The following PRKCQ variants were observed in gnomAD, a reference collection of about 807,000 sequenced individuals.
PRKCQ encodes the protein protein kinase C theta, also known as protein kinase C theta type.
PRKCQ carries 41 observed loss-of-function variants against 91.2 expected under a neutral mutation model. The ratio of observed to expected loss-of-function variants is 0.45; its 90% CI spans 0.35 to 0.58. PRKCQ has a LOEUF of 0.58. Among genes scored for constraint, PRKCQ ranks in the 20% least tolerant of loss-of-function variants. The pLI, the probability that PRKCQ is intolerant of heterozygous loss-of-function variation, is 0.00. For synonymous variants in PRKCQ, 307 were observed against 316.9 expected (o/e 0.97, Z 0.33); for missense variants, 673 against 896.5 (o/e 0.75, Z 3.18).
chr10:6,509,256 G>C (rs1166918367), intron 3 of PRKCQ, among the ~76,000 whole-genome samples: 1 of 152,148 alleles, frequency 6.6e-6, no homozygotes, highest in Non-Finnish European at 1.5e-5. Context: ...GCAACTTGAA[G>C]AGATACAAAT....
At chr10:6,531,301 T>G (rs1357050401) in intron 1 of PRKCQ, among the ~76,000 whole-genome samples, 1 of 152,034 alleles carries the variant, frequency 6.6e-6, no homozygotes, top group African/African-American at 2.4e-5. Context: ...GCACAGTGCC[T>G]GGTGGTTCTA....
At chr10:6,398,366 G>A in the PRKCQ span, among the ~76,000 whole-genome samples, 1 of 152,128 alleles carries the variant, frequency 6.6e-6, no homozygotes, top group Non-Finnish European at 1.5e-5. Context: ...TTAAAATAAA[G>A]GGCTGTTTGT....
intron 8 of PRKCQ, among the ~76,000 whole-genome samples, chr10:6,490,090 C>T (rs907409060): frequency 6.6e-6 from 1 of 152,096 alleles, no homozygotes; most frequent in African/African-American, 2.4e-5. Flanking sequence ...CCCTGCCTAT[C>T]CATGTCTTCT....
At chr10:6,435,669 C>G (rs1199891318) in intron 16 of PRKCQ, among the ~76,000 whole-genome samples, 1 of 152,196 alleles carries the variant, frequency 6.6e-6, no homozygotes, top group South Asian at 2.1e-4. Flanking sequence ...TGGGCCACAC[C>G]TAAAATACAC....
At chr10:6,570,975 A>T (rs1841022373) in intron 1 of PRKCQ, among the ~76,000 whole-genome samples, 1 of 152,110 alleles carries the variant, frequency 6.6e-6, no homozygotes, top group Admixed American at 6.5e-5. Context: ...GGAAACTTGT[A>T]CTTTCTCAGG....
intron 2 of PRKCQ, chr10:6,512,104 T>C (rs1013322080): frequency 3.9e-5 from 6 of 152,242 alleles, no homozygotes; most frequent in Admixed American, 6.5e-5. Context: ...CTGAAAGACA[T>C]AGTGGCGTAA....
intron 1 of PRKCQ, among the ~76,000 whole-genome samples, chr10:6,537,436 T>C (rs1381218932): frequency 2.0e-5 from 3 of 152,088 alleles, no homozygotes; most frequent in Non-Finnish European, 4.4e-5. Flanking sequence ...CTCAGAGAGG[T>C]GAAGACCTTT....
the PRKCQ span, among the ~76,000 whole-genome samples, chr10:6,394,446 C>G: frequency 2.6e-4 from 40 of 152,332 alleles, 1 homozygote; most frequent in East Asian, 7.5e-3. Flanking sequence ...ACACAAACAT[C>G]TAAAAATGCA....
At chr10:6,472,798 C>T (rs965471301) in intron 12 of PRKCQ, among the ~76,000 whole-genome samples, 4 of 152,124 alleles carry the variant, frequency 2.6e-5, no homozygotes, top group Non-Finnish European at 4.4e-5. Context: ...CTGCAACCTC[C>T]GCCCCATGGG....
chr10:6,510,843 C>T (rs553339365), intron 3 of PRKCQ, 152 bp downstream of exon 3: 13 of 748,130 alleles, frequency 1.7e-5, no homozygotes, highest in Non-Finnish European at 2.5e-5. Context: ...GAATAACCAT[C>T]GCCATTATCA....
At chr10:6,484,830 C>T (rs1836812760) in intron 10 of PRKCQ, among the ~76,000 whole-genome samples, 1 of 152,144 alleles carries the variant, frequency 6.6e-6, no homozygotes, top group African/African-American at 2.4e-5. Context: ...TCTTCTGTGG[C>T]CTTCCCACCA....
intron 1 of PRKCQ, among the ~76,000 whole-genome samples, chr10:6,523,086 A>G (rs764443314): frequency 3.9e-5 from 6 of 152,242 alleles, no homozygotes; most frequent in Admixed American, 2.0e-4. Context: ...TAAGACTTCT[A>G]CTAAGTAGTA....
chr10:6,412,337 A>G, the PRKCQ span, among the ~76,000 whole-genome samples: 3 of 152,260 alleles, frequency 2.0e-5, no homozygotes, highest in African/African-American at 7.2e-5. Flanking sequence ...TCATCCTCAA[A>G]TCAGTTTAGA....
chr10:6,448,792 C>T (rs532732127), intron 15 of PRKCQ, among the ~76,000 whole-genome samples: 1 of 152,264 alleles, frequency 6.6e-6, no homozygotes, highest in Non-Finnish European at 1.5e-5. Context: ...TATAGTTCTG[C>T]AGACACCGCT....
intron 1 of PRKCQ, among the ~76,000 whole-genome samples, chr10:6,554,257 G>A (rs553631621): frequency 3.9e-5 from 6 of 152,172 alleles, no homozygotes; most frequent in African/African-American, 1.2e-4. Context: ...TCCATGCAAC[G>A]TTGCAGAAGG....
At chr10:6,507,128 C>T (rs1349550507) in intron 4 of PRKCQ, among the ~76,000 whole-genome samples, 1 of 152,232 alleles carries the variant, frequency 6.6e-6, no homozygotes, top group Non-Finnish European at 1.5e-5. Flanking sequence ...CATAACCACA[C>T]ATCAACAGTC....
intron 7 of PRKCQ, 124 bp downstream of exon 7, chr10:6,496,911 G>A: frequency 1.2e-6 from 1 of 868,466 alleles, no homozygotes; most frequent in Non-Finnish European, 1.9e-6. Context: ...GTTTTGGGGA[G>A]ATGGATGTTC....
intron 15 of PRKCQ, among the ~76,000 whole-genome samples, chr10:6,443,785 G>A (rs560191890): frequency 3.4e-4 from 52 of 152,324 alleles, no homozygotes; most frequent in African/African-American, 1.2e-3. Flanking sequence ...ATTATGCTAA[G>A]TGAAGTAAGC....
chr10:6,574,447 C>T (rs1841152851), intron 1 of PRKCQ, among the ~76,000 whole-genome samples: 2 of 152,178 alleles, frequency 1.3e-5, no homozygotes, highest in African/African-American at 4.8e-5. Flanking sequence ...GTTACCCAAG[C>T]TTAGTGATTA....
Sources: allele counts gnomAD v4.1 joint callset (sites outside exome capture counted in the v4.1 genomes callset), GRCh38; gene constraint gnomAD v4.1.1; transcripts MANE v1.5; gene names NCBI Gene and HGNC (gene_info 2026-07-23, HGNC 2026-07-21).